Variants in DNAJC13 observed in about 807,000 individuals in gnomAD.
The protein encoded by DNAJC13 is DnaJ heat shock protein family (Hsp40) member C13, also known as dnaJ homolog subfamily C member 13.
DNAJC13 carries 75 observed loss-of-function variants against 290.5 expected under a neutral mutation model. That is an observed-to-expected ratio of 0.26 (90% CI 0.21 to 0.31). DNAJC13 has a LOEUF of 0.31. Among genes scored for constraint, DNAJC13 ranks in the 10% least tolerant of loss-of-function variants. The pLI, the probability that DNAJC13 is intolerant of heterozygous loss-of-function variation, is 1.00. For synonymous variants in DNAJC13, 862 were observed against 892.0 expected (o/e 0.97, Z 0.60); for missense variants, 2,260 against 2,674.5 (o/e 0.85, Z 3.42).
intron 29 of DNAJC13, 133 bp from the exon 30 acceptor site, chr3:132,488,165 G>A (rs1934944171): frequency 3.0e-6 from 2 of 673,812 alleles, no homozygotes; most frequent in South Asian, 3.3e-5. Flanking sequence ...TGGTAGATGA[G>A]CTTACTGACT....
At chr3:132,472,120 C>G (rs1312458097) in intron 20 of DNAJC13, among the ~76,000 whole-genome samples, 2 of 149,734 alleles carry the variant, frequency 1.3e-5, no homozygotes, top group African/African-American at 4.9e-5. Context: ...CCTGCAATGG[C>G]AGGCACTCGG....
chr3:132,432,622 T>G (rs1046747875), intron 1 of DNAJC13, among the ~76,000 whole-genome samples: 1 of 152,222 alleles, frequency 6.6e-6, no homozygotes, highest in Non-Finnish European at 1.5e-5. Flanking sequence ...ATACAGTATT[T>G]TCAAAACCTA....
chr3:132,491,567 G>C lies in DNAJC13; in HGVS notation c.3623+516G>C, dbSNP rs535092786. 2.6e-5 allele frequency among the ~76,000 whole-genome samples: 4 copies of C among 152,202 alleles called. No homozygotes were observed. The East Asian group carries it at 7.7e-4, about 29-fold the overall frequency. On this transcript the variant is annotated intron_variant, in intron 32 of 55. Coordinates refer to ENST00000260818, the MANE Select transcript of DNAJC13 (RefSeq NM_015268.4). The stretch of plus-strand genomic sequence containing the variant: ...CATTCCTAAGGTATGTCTTTGTTGG[G>C]GGGGAATGCCATAGGAGAAACCTGT...
In DNAJC13 at chr3:132,451,756, C is replaced by T. The variant is rs116104941; in HGVS notation, c.537+909C>T. ...CTGTTGGTAGCAGAGCCAAAGCAAGCGTTGAACTTTTACATATATAAGATA... is the reference window on the plus strand; with the variant it reads ...CTGTTGGTAGCAGAGCCAAAGCAAGTGTTGAACTTTTACATATATAAGATA... On this transcript the variant is annotated intron_variant, in intron 6 of 55. Transcript: ENST00000260818. Among the ~76,000 whole-genome samples, 386 of 152,170 alleles carry T rather than the reference C, an allele frequency of 2.5e-3. 1 individual carries two copies. The highest frequency in any genetic ancestry group is 9.0e-3 in the African/African-American group (372 of 41,492).
chr3:132,443,501 C>T (rs532497560), intron 2 of DNAJC13, among the ~76,000 whole-genome samples: 9 of 152,254 alleles, frequency 5.9e-5, no homozygotes, highest in Admixed American at 1.3e-4. Context: ...TCTATACATG[C>T]GAGACATTTT....
In DNAJC13 at chr3:132,499,167, C is replaced by T. The variant is rs768898645; in HGVS notation, c.4198C>T (p.Arg1400Trp). The change falls in exon 37 of 56, where the codon CGG becomes TGG. Residue 1400 changes from arginine (R) to tryptophan (W), a missense_variant. This residue lies in a region of DNAJC13 where 1,494 missense variants were observed against 1,693.7 expected (regional missense o/e 0.88). Coordinates refer to ENST00000260818, the MANE Select transcript of DNAJC13 (RefSeq NM_015268.4). ...ATATGCAGGATACCCCATGCTTATT[C>T]GGACTATAACAATGGAAACTTCAGA... is the stretch of plus-strand genomic sequence containing the variant. ...YKYAGYPMLI[R>W]TITMETSDDL... The T allele has an allele frequency of 1.1e-5, 18 of 1,613,124 alleles. No homozygotes were observed. The South Asian group carries it at 1.2e-4, about 11-fold the overall frequency.
At position 132,502,300 on chromosome 3, in the gene DNAJC13, C is replaced by T. The variant is rs763868967; in HGVS notation, c.4548C>T (p.Arg1516=). 1.6e-5 allele frequency: 26 copies of T among 1,611,736 alleles called. No individual in the cohort carries two copies. The highest frequency in any genetic ancestry group is 4.5e-5 in the East Asian group (2 of 44,852). ...TTTTATTCTCTCAGAGTATTCCCCG[C>T]GTAGCTGCTCTTGGGGTAGAATGTG... is the stretch of plus-strand genomic sequence containing the variant. The part of the protein sequence containing the change: ...RVLYFGKSIP[R]VAALGVECVS... Residue 1516 remains arginine, a synonymous_variant, in exon 40 of 56, where the codon CGC becomes CGT. Coordinates refer to ENST00000260818, the MANE Select transcript of DNAJC13 (RefSeq NM_015268.4).
intron 1 of DNAJC13, among the ~76,000 whole-genome samples, chr3:132,428,963 G>C (rs764206380): frequency 6.6e-6 from 1 of 151,586 alleles, no homozygotes; most frequent in Non-Finnish European, 1.5e-5. Context: ...TCAAACTCCT[G>C]ACTTTGTAAT....
intron 25 of DNAJC13, among the ~76,000 whole-genome samples, chr3:132,479,599 CTT>C (rs1367334577): frequency 2.0e-5 from 3 of 151,972 alleles, no homozygotes; most frequent in East Asian, 1.9e-4. Flanking sequence ...TTTAGGGACT[CTT>C]TAGGGTTAAA....
At chr3:132,466,771 G>A (rs184303804) in intron 19 of DNAJC13, among the ~76,000 whole-genome samples, 10 of 152,148 alleles carry the variant, frequency 6.6e-5, no homozygotes, top group South Asian at 4.1e-4. Flanking sequence ...TGGTAAAAAC[G>A]GCCAACCATG....
intron 1 of DNAJC13, among the ~76,000 whole-genome samples, chr3:132,420,047 G>A (rs1028242382): frequency 2.0e-5 from 3 of 152,222 alleles, no homozygotes; most frequent in African/African-American, 7.2e-5. Flanking sequence ...TGAGTCCACA[G>A]AGCAAAACCA....
chr3:132,494,237 A>T lies in DNAJC13; in HGVS notation c.3919A>T (p.Asn1307Tyr), dbSNP rs1358540989. 1.1e-5 allele frequency: 17 copies of T among 1,613,012 alleles called. No homozygotes were observed. The highest frequency in any genetic ancestry group is 1.4e-5 in the Non-Finnish European group (17 of 1,179,444). Reference protein sequence around the residue: ...MSIDDAYEVLNLPQGQGPHDE... With the variant: ...MSIDDAYEVLYLPQGQGPHDE... ...AATAGATGATGCTTATGAAGTGCTT[A>T]ATCTGCCTCAAGGACAGGGACCGTG... Residue 1307 changes from asparagine (N) to tyrosine (Y), a missense_variant, in exon 34 of 56, where the codon AAT (asparagine) becomes TAT (tyrosine). By Grantham distance (143) the Asn-to-Tyr change is moderately radical (BLOSUM62 -2). Around this residue, in one of 3 missense-constraint regions of DNAJC13, gnomAD observed 1,494 missense variants for 1,693.7 expected, o/e 0.88. Coordinates refer to ENST00000260818, the MANE Select transcript of DNAJC13 (RefSeq NM_015268.4).
chr3:132,480,782 G>A (rs145636213), intron 26 of DNAJC13, among the ~76,000 whole-genome samples: 1 of 152,234 alleles, frequency 6.6e-6, no homozygotes, highest in East Asian at 1.9e-4. Flanking sequence ...TTTAACATTG[G>A]CAAGCAGTAA....
intron 20 of DNAJC13, among the ~76,000 whole-genome samples, chr3:132,467,552 G>C (rs1015181666): frequency 3.9e-5 from 6 of 152,026 alleles, no homozygotes; most frequent in African/African-American, 1.4e-4. Flanking sequence ...TGCAAGCTCC[G>C]CCTCCTGGGT....
In DNAJC13 at chr3:132,477,952, T is replaced by C. The variant is rs754365525; in HGVS notation, c.2550-29T>C. 6 of 1,600,906 alleles carry C rather than the reference T, an allele frequency of 3.7e-6. No homozygotes were observed. The African/African-American group carries it at 4.1e-5, about 11-fold the overall frequency. On this transcript the variant is annotated intron_variant, in intron 23 of 55. Transcript: ENST00000260818. Reference sequence around the variant, plus strand: ...TCACTGTTGGTTTCATGGCTATTTCTATTGTGAACTTTTTTTTTTAAAATC... The same window carrying C: ...TCACTGTTGGTTTCATGGCTATTTCCATTGTGAACTTTTTTTTTTAAAATC...
Position 132,516,485 on chromosome 3 carries a change from C to G in DNAJC13, c.5549C>G (p.Ala1850Gly), listed in dbSNP as rs756488139. The change falls in exon 47 of 56, where the codon GCA becomes GGA. Residue 1850 changes from alanine (A) to glycine (G), a missense_variant. This residue lies in a region of DNAJC13 where 1,494 missense variants were observed against 1,693.7 expected (regional missense o/e 0.88). Coordinates refer to ENST00000260818, the MANE Select transcript of DNAJC13 (RefSeq NM_015268.4). ...TCGAGTACAAAAATAATCAAAGAAGCAATGGCAAAGGGTAATGTATAGAGT... is the reference window on the plus strand; with the variant it reads ...TCGAGTACAAAAATAATCAAAGAAGGAATGGCAAAGGGTAATGTATAGAGT... ...LTSSTKIIKE[A>G]MAKGALIYLL... is the part of the protein sequence containing the mutation. The G allele has an allele frequency of 1.3e-5, 21 of 1,613,716 alleles. No homozygotes were observed. Among genetic ancestry groups the G allele is most frequent in the Non-Finnish European group, 1.8e-5 (21 of 1,179,730 alleles).
At chr3:132,470,588 C>CGGACG (rs1934173641) in intron 20 of DNAJC13, among the ~76,000 whole-genome samples, 1 of 140,046 alleles carries the variant, frequency 7.1e-6, no homozygotes, top group African/African-American at 2.7e-5. Flanking sequence ...CCTCACCTCC[C>CGGACG]GGACGGGGCG....
chr3:132,431,325 A>G (rs1332698655), intron 1 of DNAJC13, among the ~76,000 whole-genome samples: 2 of 152,148 alleles, frequency 1.3e-5, no homozygotes, highest in Admixed American at 6.5e-5. Flanking sequence ...GGAAAGTGCT[A>G]TGGGGGAAAA....
At chr3:132,429,381 A>G (rs1939185500) in intron 1 of DNAJC13, among the ~76,000 whole-genome samples, 1 of 152,076 alleles carries the variant, frequency 6.6e-6, no homozygotes, top group African/African-American at 2.4e-5. Context: ...TAAGGAGGTT[A>G]GTCCAAAGTC....
Sources: allele counts gnomAD v4.1 joint callset (sites outside exome capture counted in the v4.1 genomes callset), GRCh38; gene constraint gnomAD v4.1.1; regional missense constraint gnomAD v4.1.1; transcripts MANE v1.5; gene names NCBI Gene and HGNC (gene_info 2026-07-23, HGNC 2026-07-21).